Variants in EYA4 observed in about 807,000 individuals in gnomAD.
EYA4 encodes EYA transcriptional coactivator and phosphatase 4, also known as protein phosphatase EYA4.
EYA4 carries 31 observed loss-of-function variants against 87.9 expected under a neutral mutation model. The ratio of observed to expected loss-of-function variants is 0.35; its 90% CI spans 0.27 to 0.48. The LOEUF is 0.48. EYA4 is among the 20% of genes least tolerant of loss of function. The pLI, the probability that EYA4 is intolerant of heterozygous loss-of-function variation, is 0.99. For missense variants in EYA4, 678 were observed against 761.4 expected (o/e 0.89, Z 1.29); for synonymous variants, 263 against 270.6 (o/e 0.97, Z 0.28).
At chr6:133,302,090 G>C (rs562704633) in intron 2 of EYA4, among the ~76,000 whole-genome samples, 1 of 152,312 alleles carries the variant, frequency 6.6e-6, no homozygotes, top group African/African-American at 2.4e-5. Flanking sequence ...AAATGACTCA[G>C]AAACCAGATT....
At chr6:133,442,870 T>C (rs369750851) in intron 3 of EYA4, among the ~76,000 whole-genome samples, 7 of 152,098 alleles carry the variant, frequency 4.6e-5, no homozygotes, top group African/African-American at 1.4e-4. Flanking sequence ...GAATGGATGA[T>C]GAATATTGTC....
At chr6:133,438,457 A>G (rs75943751) in intron 3 of EYA4, among the ~76,000 whole-genome samples, 3,235 of 149,422 alleles carry the variant, frequency 0.022, 114 homozygotes, top group African/African-American at 0.077. Flanking sequence ...TTGTGGCTTC[A>G]GTGATATCAT....
chr6:133,459,007 C>T (rs538088110), intron 6 of EYA4, among the ~76,000 whole-genome samples: 45 of 152,212 alleles, frequency 3.0e-4, no homozygotes, highest in South Asian at 2.5e-3. Context: ...ACAAGATATT[C>T]CAGAAACCAT....
At chr6:133,322,104 A>G (rs1294112792) in intron 2 of EYA4, among the ~76,000 whole-genome samples, 1 of 152,334 alleles carries the variant, frequency 6.6e-6, no homozygotes, top group Non-Finnish European at 1.5e-5. Context: ...TTTGGAAGCA[A>G]TTTGACTGGA....
At chr6:133,465,724 T>C (rs903431992) in intron 10 of EYA4, among the ~76,000 whole-genome samples, 1 of 152,278 alleles carries the variant, frequency 6.6e-6, no homozygotes, top group Admixed American at 6.6e-5. Context: ...TAGACACTTA[T>C]ATATTCTAAA....
At chr6:133,515,643 G>A (rs1413332674) in intron 17 of EYA4, among the ~76,000 whole-genome samples, 1 of 151,840 alleles carries the variant, frequency 6.6e-6, no homozygotes, top group Non-Finnish European at 1.5e-5. Context: ...GTGTGTGTGT[G>A]TGTGTGTGTG....
At chr6:133,278,667 A>C (rs1777379867) in intron 2 of EYA4, among the ~76,000 whole-genome samples, 2 of 152,180 alleles carry the variant, frequency 1.3e-5, no homozygotes, top group African/African-American at 4.8e-5. Flanking sequence ...TCTAACATGA[A>C]TTTAACTGCA....
intron 2 of EYA4, among the ~76,000 whole-genome samples, chr6:133,372,811 A>G (rs185959954): frequency 2.0e-5 from 3 of 151,926 alleles, no homozygotes; most frequent in East Asian, 3.9e-4. Flanking sequence ...TAAATTTAAA[A>G]TTGCTTTAAA....
chr6:133,396,993 A>G (rs1776574056), intron 3 of EYA4, among the ~76,000 whole-genome samples: 1 of 152,216 alleles, frequency 6.6e-6, no homozygotes, highest in Non-Finnish European at 1.5e-5. Context: ...AAAAATTCAC[A>G]TCTCATGGAC....
intron 2 of EYA4, among the ~76,000 whole-genome samples, chr6:133,366,301 T>C (rs530209353): frequency 3.3e-5 from 5 of 152,354 alleles, no homozygotes; most frequent in South Asian, 4.1e-4. Flanking sequence ...AGTTCAGCAC[T>C]GGACATGTTC....
chr6:133,407,231 G>T (rs1272313296), intron 3 of EYA4, among the ~76,000 whole-genome samples: 1 of 145,328 alleles, frequency 6.9e-6, no homozygotes, highest in African/African-American at 2.5e-5. Context: ...AACCTACACT[G>T]TGAAATAAAG....
intron 19 of EYA4, among the ~76,000 whole-genome samples, chr6:133,526,453 A>C (rs1283714315): frequency 6.6e-6 from 1 of 152,138 alleles, no homozygotes; most frequent in Non-Finnish European, 1.5e-5. Flanking sequence ...GAGAAAGGAA[A>C]TGATGTATGT....
At chr6:133,421,235 G>C (rs117787161) in intron 3 of EYA4, among the ~76,000 whole-genome samples, 1 of 152,128 alleles carries the variant, frequency 6.6e-6, no homozygotes, top group Non-Finnish European at 1.5e-5. Context: ...CCTACTACAC[G>C]CTGATTACAG....
In EYA4 at chr6:133,456,571, T is replaced by G; in HGVS notation, c.293T>G (p.Val98Gly). The G allele has an allele frequency of 6.2e-7, 1 of 1,612,716 alleles. No homozygotes were observed. The highest frequency in any genetic ancestry group is 8.5e-7 in the Non-Finnish European group (1 of 1,178,778). The change falls in exon 6 of 20, where the codon GTC (valine) becomes GGC (glycine). Residue 98 changes from valine to glycine, a missense_variant. Coordinates refer to ENST00000355286, the MANE Select transcript of EYA4 (RefSeq NM_004100.5). ...TTCTACGTAGTGTCTCTTCTTGCAGTCAAAACAGAGCCCTTGAACAGCAGT... is the reference window on the plus strand; with the variant it reads ...TTCTACGTAGTGTCTCTTCTTGCAGGCAAAACAGAGCCCTTGAACAGCAGT... ...PSSATMSLLA[V>G]KTEPLNSSET...
In EYA4 at chr6:133,529,863, G is replaced by A. The variant is rs1800908032; in HGVS notation, c.*1058G>A. 3.0e-6 allele frequency: 3 copies of A among 985,304 alleles called. No homozygotes were observed. Among genetic ancestry groups the A allele is most frequent in the Admixed American group, 1.2e-4 (2 of 16,262 alleles). 61.0% of individuals were successfully genotyped at this position (985,304 alleles called of 1,614,324 possible). Reference sequence around the variant, plus strand: ...TATTCATGACAACTTGCACAGTTTTGAGGTTGAGACTTTTGATATGTGTAA... The same window carrying A: ...TATTCATGACAACTTGCACAGTTTTAAGGTTGAGACTTTTGATATGTGTAA... On this transcript the variant is annotated 3_prime_UTR_variant, in exon 20 of 20. Transcript: ENST00000355286.
chr6:133,357,341 C>T (rs1184563011), intron 2 of EYA4, among the ~76,000 whole-genome samples: 1 of 149,740 alleles, frequency 6.7e-6, no homozygotes, highest in Non-Finnish European at 1.5e-5. Context: ...TAAACTCTAC[C>T]AGTTTTATTT....
intron 2 of EYA4, among the ~76,000 whole-genome samples, chr6:133,303,709 A>G (rs934576656): frequency 6.6e-6 from 1 of 152,234 alleles, no homozygotes; most frequent in African/African-American, 2.4e-5. Context: ...TTTAGGAATA[A>G]TATTTGTTCT....
chr6:133,431,687 T>C (rs1791196173), intron 3 of EYA4, among the ~76,000 whole-genome samples: 1 of 152,210 alleles, frequency 6.6e-6, no homozygotes, highest in African/African-American at 2.4e-5. Flanking sequence ...ATTAATGTTA[T>C]TATAACATTC....
At chr6:133,445,103 A>T (rs886113179) in intron 3 of EYA4, among the ~76,000 whole-genome samples, 1 of 151,948 alleles carries the variant, frequency 6.6e-6, no homozygotes, top group Non-Finnish European at 1.5e-5. Flanking sequence ...GTTATACCTG[A>T]TGGTATTTTT....
Sources: gnomAD v4.1 joint callset for allele counts (sites outside exome capture counted in the v4.1 genomes callset) on GRCh38, gnomAD v4.1.1 for gene constraint, MANE v1.5 for transcripts, NCBI Gene and HGNC (gene_info 2026-07-23, HGNC 2026-07-21) for gene names.